The following FLRT1 variants were observed in gnomAD, a reference collection of about 807,000 sequenced individuals.
FLRT1 encodes fibronectin leucine rich transmembrane protein 1.
A neutral mutation model predicts 30.9 loss-of-function variants in FLRT1; 14 were observed. The observed-to-expected ratio is 0.45, with a 90% confidence interval of 0.30 to 0.71. The LOEUF (loss-of-function observed/expected upper bound fraction) is 0.71. Among genes scored for constraint, FLRT1 ranks in the 30% least tolerant of loss-of-function variants. The pLI, the probability that FLRT1 is intolerant of heterozygous loss-of-function variation, is 0.08. For missense variants in FLRT1, 737 were observed against 949.2 expected (o/e 0.78, Z 2.94); for synonymous variants, 368 against 430.4 (o/e 0.85, Z 1.80).
rs532120408 is a variant in FLRT1, at chr11:64,067,645, G to T, written c.-1038+31486G>T. On this transcript the variant is annotated intron_variant, in intron 1 of 2. Coordinates refer to ENST00000682287, the MANE Select transcript of FLRT1 (RefSeq NM_013280.5). This position sits in a 1 kb window ranked among gnomAD's most constrained non-coding sequence, Gnocchi z 4.6. ...CCCGTGGCCTCCGGTGCACACACAG[G>T]GTCCCCAAGCAGGCAGCTGGAGGGC... is the stretch of plus-strand genomic sequence containing the variant. Among the ~76,000 whole-genome samples, 11 of 152,250 alleles carry T rather than the reference G, an allele frequency of 7.2e-5. No homozygotes were observed. Among genetic ancestry groups the T allele is most frequent in the African/African-American group, 2.2e-4 (9 of 41,554 alleles).
intron 1 of FLRT1, among the ~76,000 whole-genome samples, chr11:64,061,954 A>T: frequency 8.7e-6 from 1 of 114,938 alleles, no homozygotes. Flanking sequence ...GGCCTCTGCC[A>T]CCACCATGCC....
At chr11:64,043,363 C>G (rs906657544) in intron 1 of FLRT1, among the ~76,000 whole-genome samples, 3 of 152,192 alleles carry the variant, frequency 2.0e-5, no homozygotes, top group African/African-American at 7.2e-5. Context: ...GGCAGGAAGG[C>G]TTGTGGGGCA....
At chr11:64,043,797 T>C (rs903617487) in intron 1 of FLRT1, among the ~76,000 whole-genome samples, 5 of 150,918 alleles carry the variant, frequency 3.3e-5, no homozygotes, top group African/African-American at 1.2e-4. Context: ...CAAGGTCACG[T>C]AGCCAGGACA....
intron 1 of FLRT1, among the ~76,000 whole-genome samples, chr11:64,094,150 A>G (rs1944536819): frequency 6.6e-6 from 1 of 152,120 alleles, no homozygotes. Context: ...TACAAAGCTT[A>G]GGCTGGGCGT....
intron 1 of FLRT1, among the ~76,000 whole-genome samples, chr11:64,047,695 G>A (rs149819565): frequency 6.6e-6 from 1 of 151,972 alleles, no homozygotes; most frequent in African/African-American, 2.4e-5. Context: ...TCAGGAGCTC[G>A]AGACCAGCCT....
At chr11:64,077,987 C>T in intron 1 of FLRT1, among the ~76,000 whole-genome samples, 1 of 152,332 alleles carries the variant, frequency 6.6e-6, no homozygotes, top group African/African-American at 2.4e-5. Flanking sequence ...CCTGCCTCCT[C>T]CTCAGCGGGG....
intron 2 of FLRT1, among the ~76,000 whole-genome samples, chr11:64,111,374 G>A (rs1236458104): frequency 2.0e-5 from 3 of 152,238 alleles, no homozygotes; most frequent in African/African-American, 7.2e-5. Flanking sequence ...CTTGACCCTG[G>A]AGACTGAGGC....
chr11:64,057,811 G>A (rs759184812), intron 1 of FLRT1, among the ~76,000 whole-genome samples: 1 of 152,218 alleles, frequency 6.6e-6, no homozygotes. Context: ...GGGCATGTTC[G>A]CGGGTCCAGC....
chr11:64,076,909 A>G (rs980102740), intron 1 of FLRT1, among the ~76,000 whole-genome samples: 16 of 152,220 alleles, frequency 1.1e-4, no homozygotes, highest in African/African-American at 3.6e-4. Context: ...TGGGGCTAAG[A>G]CTTCTTCATG....
rs1392757077 is a variant in FLRT1, at chr11:64,035,938, T to G, written c.-1259T>G. 7.0e-6 allele frequency: 1 copy of G among 143,138 alleles called. No individual in the cohort carries two copies. Among genetic ancestry groups the G allele is most frequent in the African/African-American group, 2.6e-5 (1 of 39,186 alleles). The allele number at this position is 143,138 out of a possible 1,614,324, so 8.9% of individuals were successfully genotyped here. On this transcript the variant is annotated 5_prime_UTR_variant, in exon 1 of 3. Coordinates refer to ENST00000682287, the MANE Select transcript of FLRT1 (RefSeq NM_013280.5). Reference sequence around the variant, plus strand: ...CCGCTGGACGCACCCCCCGCACTCCTCCCGCGGCTCCGCCGGGCGCCCGAG... The same window carrying G: ...CCGCTGGACGCACCCCCCGCACTCCGCCCGCGGCTCCGCCGGGCGCCCGAG...
At chr11:64,057,143 G>A (rs180798868) in intron 1 of FLRT1, among the ~76,000 whole-genome samples, 32 of 152,308 alleles carry the variant, frequency 2.1e-4, no homozygotes, top group African/African-American at 7.5e-4. Context: ...TGCTGGACCC[G>A]GGTGCCCCTG....
At chr11:64,053,911 C>T (rs369601859) in intron 1 of FLRT1, among the ~76,000 whole-genome samples, 1 of 152,128 alleles carries the variant, frequency 6.6e-6, no homozygotes, top group Non-Finnish European at 1.5e-5. Context: ...TCATCCCCCC[C>T]ACCACCTCTG....
At chr11:64,083,024 TC>T (rs1450901390) in intron 1 of FLRT1, 1 of 152,272 alleles carries the variant, frequency 6.6e-6, no homozygotes, top group African/African-American at 2.4e-5. Context: ...TTTTCTCATA[TC>T]CCATTAACAA....
At chr11:64,109,417 C>G (rs1475075119) in intron 2 of FLRT1, among the ~76,000 whole-genome samples, 1 of 152,248 alleles carries the variant, frequency 6.6e-6, no homozygotes, top group Non-Finnish European at 1.5e-5. Context: ...AGGCTGCCGG[C>G]CTCTCCCCAC....
rs143811913 is a variant in FLRT1 at position 64,118,145 on chromosome 11, G to T, written c.1878G>T (p.Pro626=). ...GPGLQMLPIN[P]YRAKEEYVVH... The stretch of plus-strand genomic sequence containing the variant: ...GGCTGCAGATGCTGCCCATCAACCC[G>T]TACCGCGCCAAAGAAGAGTACGTGG... Residue 626 remains proline (P), a synonymous_variant, in exon 3 of 3, where the codon CCG becomes CCT. Coordinates refer to ENST00000682287, the MANE Select transcript of FLRT1 (RefSeq NM_013280.5). 6 of 1,613,832 alleles carry T rather than the reference G, an allele frequency of 3.7e-6. No homozygotes were observed. Among genetic ancestry groups the T allele is most frequent in the Non-Finnish European group, 5.1e-6 (6 of 1,179,980 alleles).
At chr11:64,075,471 C>T (rs1256298669) in intron 1 of FLRT1, among the ~76,000 whole-genome samples, 1 of 152,268 alleles carries the variant, frequency 6.6e-6, no homozygotes, top group African/African-American at 2.4e-5. Context: ...TAAATAACTT[C>T]CCCAAAGCTG....
At chr11:64,069,205 G>A (rs1462723336) in intron 1 of FLRT1, among the ~76,000 whole-genome samples, 1 of 152,218 alleles carries the variant, frequency 6.6e-6, no homozygotes, top group Non-Finnish European at 1.5e-5. Flanking sequence ...CACTGCGCGC[G>A]GCCGGGGGCC....
intron 1 of FLRT1, among the ~76,000 whole-genome samples, chr11:64,038,667 A>G (rs928325221): frequency 2.0e-5 from 3 of 152,176 alleles, no homozygotes; most frequent in Non-Finnish European, 4.4e-5. Context: ...AGGGCTGGAC[A>G]TGGCCTGATC....
rs577590409 is a variant in FLRT1 at position 64,058,611 on chromosome 11, C to T, written c.-1038+22452C>T. On this transcript the variant is annotated intron_variant, in intron 1 of 2. Transcript: ENST00000682287. The stretch of plus-strand genomic sequence containing the variant: ...CGGCAGCTGCCGGGTGCAGCGGGCA[C>T]GGCCCTGTAATTGGGCAGCCTGTTC... Among the ~76,000 whole-genome samples the T allele has an allele frequency of 5.3e-5, 8 of 152,362 alleles. No homozygotes were observed. The Middle Eastern group carries it at 0.01, about 194-fold the overall frequency.
Sources: allele counts gnomAD v4.1 joint callset (sites outside exome capture counted in the v4.1 genomes callset), GRCh38; gene constraint gnomAD v4.1.1; non-coding constraint Gnocchi (gnomAD v3.1); transcripts MANE v1.5; gene names NCBI Gene and HGNC (gene_info 2026-07-23, HGNC 2026-07-21).